The following RBFOX3 variants were observed in gnomAD, a reference collection of about 807,000 sequenced individuals.
RBFOX3 encodes the protein RNA binding protein fox-1 homolog 3.
A neutral mutation model predicts 48.7 loss-of-function variants in RBFOX3; 17 were observed. The observed-to-expected ratio is 0.35, with a 90% confidence interval of 0.24 to 0.52. The LOEUF is 0.52. Ranked by LOEUF, RBFOX3 falls within the 20% of genes least tolerant of loss-of-function variation. The pLI is 0.94. For synonymous variants in RBFOX3, 212 were observed against 209.5 expected, an observed-to-expected ratio of 1.01 and a Z score of -0.10; for missense variants, 382 against 497.5, an observed-to-expected ratio of 0.77 and a Z score of 2.21.
intron 3 of RBFOX3, among the ~76,000 whole-genome samples, chr17:79,245,662 C>G (rs1336799689): frequency 6.9e-6 from 1 of 144,788 alleles, no homozygotes; most frequent in Non-Finnish European, 1.5e-5. Flanking sequence ...ACACCTAACT[C>G]TGTCGCCCAG....
At chr17:79,653,054 G>A in the RBFOX3 span, among the ~76,000 whole-genome samples, 2 of 152,112 alleles carry the variant, frequency 1.3e-5, no homozygotes, top group African/African-American at 4.8e-5. Context: ...GAAATTCTAG[G>A]TAAAAATAAT....
chr17:79,655,395 G>A, the RBFOX3 span, among the ~76,000 whole-genome samples: 1 of 152,166 alleles, frequency 6.6e-6, no homozygotes, highest in Non-Finnish European at 1.5e-5. Context: ...ACTCAATGAA[G>A]TAATGCATAA....
At chr17:79,611,671 C>G (rs1004828715), upstream of RBFOX3, among the ~76,000 whole-genome samples, 3 of 152,120 alleles carry the variant, frequency 2.0e-5, no homozygotes, top group African/African-American at 7.2e-5. Context: ...GCATCAGGGA[C>G]GAATGCCACC....
rs1169161805 is a variant in RBFOX3, at chr17:79,242,237, G to A, written c.-73-6432C>T. ...TGCTACCTGAGGAGCCCCGGGGTGG[G>A]GGGCAGGCCGTATGGAGGGTCCTCG... On this transcript the variant is annotated intron_variant, in intron 3 of 14. Transcript: ENST00000693108. The surrounding 1 kb of genome is among the most constrained non-coding windows in gnomAD (Gnocchi z 5.8). Among the ~76,000 whole-genome samples the A allele has an allele frequency of 6.6e-6, 1 of 152,098 alleles. No individual in the cohort carries two copies. Among genetic ancestry groups the A allele is most frequent in the African/African-American group, 2.4e-5 (1 of 41,422 alleles).
the RBFOX3 span, among the ~76,000 whole-genome samples, chr17:79,663,803 G>A: frequency 4.0e-5 from 6 of 151,514 alleles, no homozygotes; most frequent in Non-Finnish European, 5.9e-5. Context: ...GGGCGGGGGT[G>A]GGGTGATGTG....
intron 4 of RBFOX3, among the ~76,000 whole-genome samples, chr17:79,215,719 G>A (rs1000793669): frequency 8.5e-5 from 13 of 152,258 alleles, no homozygotes; most frequent in South Asian, 2.1e-4. Context: ...CAGCAGGAGC[G>A]TATCCCCCAG....
rs73416015 is a variant in RBFOX3, at chr17:79,250,667, C to T, written c.-73-14862G>A. Among the ~76,000 whole-genome samples the T allele has an allele frequency of 6.8e-3, 1,033 of 152,292 alleles. 11 individuals are homozygous for T. The highest frequency in any genetic ancestry group is 0.022 in the African/African-American group (928 of 41,564). On this transcript the variant is annotated intron_variant, in intron 3 of 14. Transcript: ENST00000693108. ...CCTCTGATTTATAAAAATAAAGCAGCGTTGAGGTGCCACAGGACAGTATCC... is the reference window on the plus strand; with the variant it reads ...CCTCTGATTTATAAAAATAAAGCAGTGTTGAGGTGCCACAGGACAGTATCC...
chr17:79,282,444 C>T (rs1416148128), intron 3 of RBFOX3, among the ~76,000 whole-genome samples: 1 of 152,204 alleles, frequency 6.6e-6, no homozygotes, highest in African/African-American at 2.4e-5. Flanking sequence ...TGAAAAATGA[C>T]GAGAGTGAAT....
At chr17:79,251,049 T>C (rs2063874326) in intron 3 of RBFOX3, among the ~76,000 whole-genome samples, 1 of 152,082 alleles carries the variant, frequency 6.6e-6, no homozygotes, top group Non-Finnish European at 1.5e-5. Context: ...GTGACCCACC[T>C]GCCTCTGCCT....
In RBFOX3 at chr17:79,293,455, CCTTCCTT is replaced by C. The variant is rs1264818964; in HGVS notation, c.-74+14262_-74+14268del. On this transcript the variant is annotated intron_variant, in intron 3 of 14. Coordinates refer to ENST00000693108, the MANE Select transcript of RBFOX3 (RefSeq NM_001350451.2). The stretch of plus-strand genomic sequence containing the variant: ...TCCTTCCTTCCTTCCTTCCTTCCTT[CCTTCCTT>C]CCTTCCCTTCCTTCCTGTCTCACTC... Among the ~76,000 whole-genome samples the C allele has an allele frequency of 1.7e-3, 156 of 90,246 alleles. 1 individual carries two copies. Among genetic ancestry groups the C allele is most frequent in the African/African-American group, 7.8e-3 (148 of 18,930 alleles). 59.2% of individuals were successfully genotyped at this position (90,246 alleles called of 152,430 possible).
intron 3 of RBFOX3, among the ~76,000 whole-genome samples, chr17:79,245,252 A>T (rs2062997372): frequency 6.6e-6 from 1 of 151,752 alleles, no homozygotes; most frequent in South Asian, 2.1e-4. Context: ...TTTGGGTTTC[A>T]CCTTGTTGTC....
chr17:79,647,203 A>G, the RBFOX3 span, among the ~76,000 whole-genome samples: 1 of 152,078 alleles, frequency 6.6e-6, no homozygotes, highest in Non-Finnish European at 1.5e-5. Context: ...ATAAACAACC[A>G]TGAACTGAGC....
At chr17:79,582,634 CA>C (rs1451338323) in intron 1 of RBFOX3, among the ~76,000 whole-genome samples, 1 of 151,826 alleles carries the variant, frequency 6.6e-6, no homozygotes, top group African/African-American at 2.4e-5. Context: ...CTCATCTCTA[CA>C]AAAAATACAA....
chr17:79,245,151 C>T (rs2062980745), intron 3 of RBFOX3, among the ~76,000 whole-genome samples: 1 of 151,650 alleles, frequency 6.6e-6, no homozygotes, highest in Non-Finnish European at 1.5e-5. Flanking sequence ...TGGCTATCTG[C>T]AAACTCCGCC....
intron 3 of RBFOX3, among the ~76,000 whole-genome samples, chr17:79,248,108 G>T (rs556476992): frequency 1.3e-5 from 2 of 152,238 alleles, no homozygotes; most frequent in African/African-American, 2.4e-5. Flanking sequence ...CAAACAGGGC[G>T]AAGGGGCGGG....
chr17:79,554,538 G>A (rs898373225), intron 1 of RBFOX3, among the ~76,000 whole-genome samples: 3 of 151,882 alleles, frequency 2.0e-5, no homozygotes, highest in South Asian at 2.1e-4. Flanking sequence ...TGGGTGCTTC[G>A]CACCCCGCTG....
chr17:79,106,516 C>A, intron 6 of RBFOX3, 135 bp downstream of exon 6: 2 of 1,174,170 alleles, frequency 1.7e-6, no homozygotes, highest in South Asian at 2.0e-5. Flanking sequence ...ATCCTGGGGC[C>A]CCGGAGGCTC....
At chr17:79,113,779 G>A (rs1040130428) in intron 5 of RBFOX3, among the ~76,000 whole-genome samples, 1 of 152,204 alleles carries the variant, frequency 6.6e-6, no homozygotes, top group South Asian at 2.1e-4. Context: ...GCAGGAACTA[G>A]GGGACAGGGC....
intron 1 of RBFOX3, among the ~76,000 whole-genome samples, chr17:79,546,109 AT>A (rs782523685): frequency 6.6e-6 from 1 of 152,262 alleles, no homozygotes; most frequent in Non-Finnish European, 1.5e-5. Flanking sequence ...CTATAGGTAG[AT>A]CCAGAAAGGT....
Sources: allele counts gnomAD v4.1 joint callset (sites outside exome capture counted in the v4.1 genomes callset), GRCh38; gene constraint gnomAD v4.1.1; non-coding constraint Gnocchi (gnomAD v3.1); transcripts MANE v1.5; gene names NCBI Gene and HGNC (gene_info 2026-07-23, HGNC 2026-07-21).